SGCZ: variants seen among roughly 807,000 people sequenced by gnomAD.
The protein encoded by SGCZ is sarcoglycan zeta.
Under a neutral mutation model 41.3 loss-of-function variants are expected in SGCZ, and 40 were observed. That is an observed-to-expected ratio of 0.97 (90% CI 0.75 to 1.26). SGCZ has a LOEUF of 1.26. Ranked by LOEUF, SGCZ falls within the 50% of genes most tolerant of loss-of-function variation. The pLI is 0.00. For missense variants in SGCZ, 552 were observed against 369.8 expected, an observed-to-expected ratio of 1.49 and a Z score of -4.04; for synonymous variants, 206 against 137.5, an observed-to-expected ratio of 1.50 and a Z score of -3.49.
intron 5 of SGCZ, among the ~76,000 whole-genome samples, chr8:14,140,014 T>G (rs1303218314): frequency 6.6e-6 from 1 of 152,126 alleles, no homozygotes; most frequent in Non-Finnish European, 1.5e-5. Context: ...ATCCCTGGGA[T>G]GCAAGGCTGG....
intron 1 of SGCZ, among the ~76,000 whole-genome samples, chr8:14,938,536 G>A (rs957282034): frequency 6.6e-6 from 1 of 151,966 alleles, no homozygotes; most frequent in African/African-American, 2.4e-5. Flanking sequence ...TAAGAACACA[G>A]TATATAATAT....
At chr8:15,095,230 C>G (rs994847604) in intron 1 of SGCZ, among the ~76,000 whole-genome samples, 3 of 152,162 alleles carry the variant, frequency 2.0e-5, no homozygotes, top group Non-Finnish European at 4.4e-5. Context: ...TCCCAAGTAA[C>G]TGGGATTACA....
chr8:14,233,628 C>T (rs1178115844), intron 4 of SGCZ, among the ~76,000 whole-genome samples: 1 of 146,202 alleles, frequency 6.8e-6, no homozygotes, highest in Non-Finnish European at 1.5e-5. Context: ...TATATCTTTC[C>T]TGAGATAATA....
At chr8:14,632,121 T>A (rs1256354761) in intron 1 of SGCZ, among the ~76,000 whole-genome samples, 1 of 152,028 alleles carries the variant, frequency 6.6e-6, no homozygotes, top group African/African-American at 2.4e-5. Flanking sequence ...TGGGCTTAAA[T>A]GATCCTCCCA....
At chr8:15,000,923 T>A (rs73665354) in intron 1 of SGCZ, among the ~76,000 whole-genome samples, 1 of 152,224 alleles carries the variant, frequency 6.6e-6, no homozygotes, top group South Asian at 2.1e-4. Context: ...GTCTGTGTCC[T>A]TAATTCTTTC....
chr8:14,479,577 TATCATCCCTGCA>T (rs1801464815), intron 2 of SGCZ, among the ~76,000 whole-genome samples: 1 of 152,120 alleles, frequency 6.6e-6, no homozygotes, highest in Admixed American at 6.5e-5. Flanking sequence ...TATTTAGAGC[TATCATCCCTGCA>T]ATTTTCTTGC....
chr8:14,905,990 A>AT (rs1272690307), intron 1 of SGCZ, among the ~76,000 whole-genome samples: 1 of 152,184 alleles, frequency 6.6e-6, no homozygotes, highest in East Asian at 1.9e-4. Context: ...TGGTTGAAAT[A>AT]TTTTTTAAAA....
rs1801621116 is a variant in SGCZ at position 14,089,497 on chromosome 8, A to C, written c.*946T>G. Among the ~76,000 whole-genome samples the C allele has an allele frequency of 6.6e-6, 1 of 152,082 alleles. No individual in the cohort carries two copies. The highest frequency in any genetic ancestry group is 1.5e-5 in the Non-Finnish European group (1 of 67,976). On this transcript the variant is annotated 3_prime_UTR_variant, in exon 8 of 8. Coordinates refer to ENST00000382080, the MANE Select transcript of SGCZ (RefSeq NM_139167.4). Reference sequence around the variant, plus strand: ...ATTTAGAAGATGTTTGAATTTTAGCAGTCAGAATCAAGTGCAGAGTGAGTG... The same window carrying C: ...ATTTAGAAGATGTTTGAATTTTAGCCGTCAGAATCAAGTGCAGAGTGAGTG...
At chr8:14,487,846 T>C (rs1242315925) in intron 2 of SGCZ, 1 of 151,106 alleles carries the variant, frequency 6.6e-6, no homozygotes. Flanking sequence ...GTCTGTCTTA[T>C]TCCAATTGTA....
intron 1 of SGCZ, among the ~76,000 whole-genome samples, chr8:14,661,981 G>A (rs1807765713): frequency 1.3e-5 from 2 of 152,030 alleles, no homozygotes; most frequent in Non-Finnish European, 2.9e-5. Context: ...TTCATTTACT[G>A]AAATCACTAG....
At chr8:14,761,714 C>CA (rs1799884890) in intron 1 of SGCZ, among the ~76,000 whole-genome samples, 1 of 151,714 alleles carries the variant, frequency 6.6e-6, no homozygotes, top group Admixed American at 6.6e-5. Context: ...TTAGTAGAGA[C>CA]AGAGTTTCAC....
chr8:15,012,943 T>C (rs1223255221), intron 1 of SGCZ, among the ~76,000 whole-genome samples: 1 of 151,846 alleles, frequency 6.6e-6, no homozygotes, highest in Non-Finnish European at 1.5e-5. Flanking sequence ...GATCAGGTCA[T>C]GTTTAGAATG....
chr8:14,343,045 T>G (rs912326194), intron 2 of SGCZ, among the ~76,000 whole-genome samples: 2 of 152,018 alleles, frequency 1.3e-5, no homozygotes, highest in Non-Finnish European at 2.9e-5. Flanking sequence ...CTTCAGAGGG[T>G]GGAAGCCCCA....
In SGCZ at chr8:14,385,670, A is replaced by G. The variant is rs529083704; in HGVS notation, c.235-61466T>C. On this transcript the variant is annotated intron_variant, in intron 2 of 7. Transcript: ENST00000382080. ...TGTAACTTATACTATGAGGTAAATC[A>G]AAACTTTTATTTACTTTAAAAGTAA... Among the ~76,000 whole-genome samples the G allele has an allele frequency of 5.3e-5, 8 of 152,354 alleles. No individual in the cohort carries two copies. In the South Asian group the frequency reaches 1.4e-3, roughly 28 times the overall value.
Position 14,643,750 on chromosome 8 carries a change from A to G in SGCZ, c.40-88824T>C, listed in dbSNP as rs963847583. On this transcript the variant is annotated intron_variant, in intron 1 of 7. Transcript: ENST00000382080. ...AAGATAAACCAGGCCTGTCTTGCATAATATAGTATGCTTTCATTTGCTTCT... is the reference window on the plus strand; with the variant it reads ...AAGATAAACCAGGCCTGTCTTGCATGATATAGTATGCTTTCATTTGCTTCT... 1.3e-4 allele frequency among the ~76,000 whole-genome samples: 20 copies of G among 151,844 alleles called. No homozygotes were observed. The East Asian group carries it at 3.9e-3, about 30-fold the overall frequency.
chr8:14,864,104 C>A (rs191185030), intron 1 of SGCZ, among the ~76,000 whole-genome samples: 1 of 152,084 alleles, frequency 6.6e-6, no homozygotes, highest in Non-Finnish European at 1.5e-5. Context: ...TCAACATATT[C>A]TTGAACTAGA....
chr8:14,863,481 T>G (rs932869413), intron 1 of SGCZ, among the ~76,000 whole-genome samples: 1 of 152,020 alleles, frequency 6.6e-6, no homozygotes, highest in Non-Finnish European at 1.5e-5. Context: ...CTCACCACTA[T>G]GATCAGCTAT....
chr8:15,048,646 G>A (rs1029890178), intron 1 of SGCZ, among the ~76,000 whole-genome samples: 7 of 151,964 alleles, frequency 4.6e-5, no homozygotes, highest in African/African-American at 1.4e-4. Flanking sequence ...GAAAAAGTCA[G>A]ATATTCTCCA....
chr8:14,225,996 C>T (rs1806359691), intron 4 of SGCZ, among the ~76,000 whole-genome samples: 1 of 151,912 alleles, frequency 6.6e-6, no homozygotes, highest in South Asian at 2.1e-4. Context: ...TCCATGAAAT[C>T]ATAAGGTATA....
Sources: allele counts gnomAD v4.1 joint callset (sites outside exome capture counted in the v4.1 genomes callset), GRCh38; gene constraint gnomAD v4.1.1; transcripts MANE v1.5; gene names NCBI Gene and HGNC (gene_info 2026-07-23, HGNC 2026-07-21).